The following CNTNAP5 variants were observed in gnomAD, a reference collection of about 807,000 sequenced individuals.
The protein encoded by CNTNAP5 is contactin-associated protein-like 5.
Under a neutral mutation model 150.2 loss-of-function variants are expected in CNTNAP5, and 72 were observed. That is an observed-to-expected ratio of 0.48 (90% CI 0.40 to 0.58). The LOEUF (loss-of-function observed/expected upper bound fraction) is 0.58, where lower values mean the gene tolerates loss of function less well. Ranked by LOEUF, CNTNAP5 falls within the 20% of genes least tolerant of loss-of-function variation. CNTNAP5 has a pLI of 0.00. For missense variants in CNTNAP5, 1,636 were observed against 1,626.2 expected (o/e 1.01, Z -0.10); for synonymous variants, 672 against 619.8 (o/e 1.08, Z -1.25).
intron 5 of CNTNAP5, among the ~76,000 whole-genome samples, chr2:124,444,606 A>C (rs1393545136): frequency 6.6e-6 from 1 of 151,980 alleles, no homozygotes; most frequent in Non-Finnish European, 1.5e-5. Context: ...CTCAAAACAA[A>C]CAAACAAACA....
intron 11 of CNTNAP5, among the ~76,000 whole-genome samples, chr2:124,591,482 C>T (rs1696681386): frequency 2.0e-5 from 3 of 152,058 alleles, no homozygotes; most frequent in African/African-American, 7.2e-5. Context: ...CAAGGATTTC[C>T]ATACATAGCA....
intron 13 of CNTNAP5, among the ~76,000 whole-genome samples, chr2:124,666,895 T>C (rs1470135945): frequency 1.3e-5 from 2 of 151,226 alleles, no homozygotes; most frequent in Non-Finnish European, 2.9e-5. Context: ...AATTGCTGTT[T>C]GGATTCCTCA....
chr2:124,779,098 T>A (rs1457542633), intron 17 of CNTNAP5, among the ~76,000 whole-genome samples: 1 of 152,192 alleles, frequency 6.6e-6, no homozygotes, highest in East Asian at 1.9e-4. Flanking sequence ...AAAGAAGGAC[T>A]TGCTCTGTGG....
At chr2:124,039,868 C>T (rs1681320230) in intron 1 of CNTNAP5, among the ~76,000 whole-genome samples, 1 of 151,978 alleles carries the variant, frequency 6.6e-6, no homozygotes, top group Admixed American at 6.6e-5. Flanking sequence ...TATGCATGCT[C>T]AGATTTTTAA....
intron 12 of CNTNAP5, among the ~76,000 whole-genome samples, chr2:124,641,299 C>T (rs1678089032): frequency 6.6e-6 from 1 of 152,008 alleles, no homozygotes; most frequent in African/African-American, 2.4e-5. Context: ...TGATAGGTCT[C>T]TTGCATGTCC....
intron 1 of CNTNAP5, among the ~76,000 whole-genome samples, chr2:124,153,627 T>TTG (rs1470972660): frequency 7.0e-6 from 1 of 143,288 alleles, no homozygotes; most frequent in Non-Finnish European, 1.5e-5. Context: ...TTTTTTTTTT[T>TTG]GAGACAGAGT....
intron 3 of CNTNAP5, among the ~76,000 whole-genome samples, chr2:124,343,791 A>T (rs977639030): frequency 1.3e-5 from 2 of 152,202 alleles, no homozygotes; most frequent in East Asian, 3.9e-4. Context: ...CTAAGGCTAG[A>T]TAATTTATAA....
intron 1 of CNTNAP5, among the ~76,000 whole-genome samples, chr2:124,192,085 GC>G (rs1208585831): frequency 6.6e-6 from 1 of 152,160 alleles, no homozygotes; most frequent in Admixed American, 6.5e-5. Context: ...TAAGTGTGGA[GC>G]AGGATGCTTT....
intron 12 of CNTNAP5, among the ~76,000 whole-genome samples, chr2:124,644,988 C>T (rs1372846293): frequency 6.6e-6 from 1 of 152,114 alleles, no homozygotes; most frequent in Non-Finnish European, 1.5e-5. Flanking sequence ...CTGGAATAAA[C>T]CAGTAGCACA....
In CNTNAP5 at chr2:124,920,669, C is replaced by A. The variant is rs1307819504; in HGVS notation, c.*6381C>A. 6.6e-6 allele frequency among the ~76,000 whole-genome samples: 1 copy of A among 152,106 alleles called. No homozygotes were observed. The highest frequency in any genetic ancestry group is 1.5e-5 in the Non-Finnish European group (1 of 68,012). ...TAGTCACTAGCCTAGGGCAGAAAGG[C>A]AGCCATGTATAAATGAATACCCATG... On this transcript the variant is annotated 3_prime_UTR_variant, in exon 24 of 24. Coordinates refer to ENST00000682447, the MANE Select transcript of CNTNAP5 (RefSeq NM_001367498.1).
At chr2:124,343,280 A>G (rs1211843466) in intron 3 of CNTNAP5, among the ~76,000 whole-genome samples, 1 of 152,238 alleles carries the variant, frequency 6.6e-6, no homozygotes, top group East Asian at 1.9e-4. Flanking sequence ...CATTGCATAC[A>G]ATCTTTGGAC....
At chr2:124,888,948 G>T (rs1159703794) in intron 21 of CNTNAP5, among the ~76,000 whole-genome samples, 1 of 151,724 alleles carries the variant, frequency 6.6e-6, no homozygotes, top group South Asian at 2.1e-4. Flanking sequence ...GTTTAATTGG[G>T]TTACATTTGT....
At chr2:124,367,912 C>T (rs920772184) in intron 3 of CNTNAP5, among the ~76,000 whole-genome samples, 1 of 152,192 alleles carries the variant, frequency 6.6e-6, no homozygotes, top group Non-Finnish European at 1.5e-5. Context: ...CAGTACTATG[C>T]TGTGAATCTG....
chr2:124,158,460 C>T (rs1444169905), intron 1 of CNTNAP5, among the ~76,000 whole-genome samples: 2 of 152,184 alleles, frequency 1.3e-5, no homozygotes, highest in Non-Finnish European at 2.9e-5. Context: ...TATGTCACTT[C>T]AGTTGCTTAA....
intron 3 of CNTNAP5, among the ~76,000 whole-genome samples, chr2:124,306,148 T>G (rs766915044): frequency 2.0e-5 from 3 of 152,174 alleles, no homozygotes; most frequent in African/African-American, 7.2e-5. Flanking sequence ...GGTTAGTTTA[T>G]CTAGCTTGTA....
At chr2:124,454,777 C>A (rs1693075556) in intron 6 of CNTNAP5, among the ~76,000 whole-genome samples, 1 of 151,884 alleles carries the variant, frequency 6.6e-6, no homozygotes, top group South Asian at 2.1e-4. Flanking sequence ...ATTAAATAAC[C>A]CACTCCTGAA....
At chr2:124,584,530 G>A (rs1442625182) in intron 11 of CNTNAP5, among the ~76,000 whole-genome samples, 2 of 152,078 alleles carry the variant, frequency 1.3e-5, no homozygotes, top group African/African-American at 4.8e-5. Context: ...AACCTCATGT[G>A]AACTGCACAA....
intron 12 of CNTNAP5, among the ~76,000 whole-genome samples, chr2:124,643,037 A>G (rs1396131436): frequency 6.6e-6 from 1 of 152,216 alleles, no homozygotes. Flanking sequence ...TCATGAGATC[A>G]TTGACACTCA....
At chr2:124,073,789 A>C (rs1682372647) in intron 1 of CNTNAP5, among the ~76,000 whole-genome samples, 2 of 152,182 alleles carry the variant, frequency 1.3e-5, no homozygotes, top group Admixed American at 1.3e-4. Context: ...GGTTCTTAAA[A>C]AAACTAAAAA....
Sources: gnomAD v4.1 joint callset for allele counts (sites outside exome capture counted in the v4.1 genomes callset) on GRCh38, gnomAD v4.1.1 for gene constraint, MANE v1.5 for transcripts, NCBI Gene and HGNC (gene_info 2026-07-23, HGNC 2026-07-21) for gene names.